Variants in SYK observed in about 807,000 individuals in gnomAD.
The protein encoded by SYK is tyrosine-protein kinase SYK.
Under a neutral mutation model 77.8 loss-of-function variants are expected in SYK, and 16 were observed. The observed-to-expected ratio is 0.21, with a 90% CI of 0.14 to 0.31. SYK has a LOEUF of 0.31. Ranked by LOEUF, SYK falls within the 10% of genes least tolerant of loss-of-function variation. SYK has a pLI of 1.00. For missense variants in SYK, 529 were observed against 814.4 expected, an observed-to-expected ratio of 0.65 and a Z score of 4.26; for synonymous variants, 312 against 308.7, an observed-to-expected ratio of 1.01 and a Z score of -0.11.
intron 13 of SYK, among the ~76,000 whole-genome samples, chr9:90,891,209 G>C (rs1319939217): frequency 1.4e-5 from 2 of 146,316 alleles, no homozygotes; most frequent in Non-Finnish European, 3.0e-5. Flanking sequence ...GCAGTGGCGC[G>C]ATCTGGGCTC....
intron 3 of SYK, among the ~76,000 whole-genome samples, chr9:90,857,429 C>T (rs1827081808): frequency 6.6e-6 from 1 of 152,162 alleles, no homozygotes; most frequent in South Asian, 2.1e-4. Flanking sequence ...ATAATTCCAC[C>T]TTCATGAACT....
intron 1 of SYK, among the ~76,000 whole-genome samples, chr9:90,841,490 G>A (rs1826333090): frequency 3.3e-5 from 2 of 59,898 alleles, no homozygotes; most frequent in South Asian, 1.2e-3. Flanking sequence ...TAGTGCATGT[G>A]TGGTATGTGT....
At position 90,884,499 on chromosome 9, in the gene SYK, GTACA is replaced by G. The variant is rs1188111760; in HGVS notation, c.1582-3248_1582-3245del. ...TACATACACACACATACACATATGT[GTACA>G]TGTACATACATACACATACACATAT... On this transcript the variant is annotated intron_variant, in intron 11 of 13. Coordinates refer to ENST00000375754, the MANE Select transcript of SYK (RefSeq NM_003177.7). Among the ~76,000 whole-genome samples the G allele has an allele frequency of 1.7e-3, 186 of 112,452 alleles. 78 individuals are homozygous for G. The highest frequency in any genetic ancestry group is 3.3e-3 in the Admixed American group (40 of 12,070). 73.8% of individuals were successfully genotyped at this position (112,452 alleles called of 152,430 possible). A position where few individuals can be genotyped will look rare whatever the true frequency, so the allele number is the denominator to read the frequency against.
At chr9:90,862,381 A>G (rs1195910156) in intron 4 of SYK, 37 bp downstream of exon 4, 1 of 1,602,382 alleles carries the variant, frequency 6.2e-7, no homozygotes, top group Admixed American at 1.7e-5. Context: ...TGGGTAGAGT[A>G]CAGGGCACGT....
chr9:90,834,461 G>A (rs930532043), intron 1 of SYK, among the ~76,000 whole-genome samples: 2 of 152,176 alleles, frequency 1.3e-5, no homozygotes, highest in African/African-American at 2.4e-5. Flanking sequence ...AAGCTGGGCC[G>A]GGTCGCCAGC....
intron 1 of SYK, among the ~76,000 whole-genome samples, chr9:90,802,476 T>G (rs1826768447): frequency 6.6e-6 from 1 of 152,200 alleles, no homozygotes; most frequent in African/African-American, 2.4e-5. Context: ...GTGGATACAT[T>G]TTCATTGTCA....
intron 1 of SYK, among the ~76,000 whole-genome samples, chr9:90,814,859 CACACACAAAAT>C (rs1402357542): frequency 7.3e-5 from 7 of 96,038 alleles, no homozygotes; most frequent in Non-Finnish European, 1.7e-4. Flanking sequence ...CACACACACA[CACACACAAAAT>C]AATGTTACTT....
In SYK at chr9:90,839,680, C is replaced by T. The variant is rs529798963; in HGVS notation, c.-41-4178C>T. On this transcript the variant is annotated intron_variant, in intron 1 of 13. Coordinates refer to ENST00000375754, the MANE Select transcript of SYK (RefSeq NM_003177.7). ...CATTTTATTTAAAATTTTGTTCCTA[C>T]AAAGTTACTGTCTCAGTTTGAGCTG... is the stretch of plus-strand genomic sequence containing the variant. Among the ~76,000 whole-genome samples, 19 of 152,248 alleles carry T rather than the reference C, an allele frequency of 1.2e-4. No individual in the cohort carries two copies. The South Asian group carries it at 3.9e-3, about 32-fold the overall frequency.
chr9:90,874,564 C>A, intron 8 of SYK, 108 bp from the exon 9 acceptor site: 1 of 1,349,056 alleles, frequency 7.4e-7, no homozygotes. Flanking sequence ...TCCCTTGCAA[C>A]ATTGATGCTA....
intron 1 of SYK, among the ~76,000 whole-genome samples, chr9:90,804,840 G>A (rs879658838): frequency 3.9e-5 from 6 of 152,198 alleles, no homozygotes; most frequent in Non-Finnish European, 5.9e-5. Flanking sequence ...GATGTTTTAA[G>A]AACTAGTCTG....
rs113250827 is a variant in SYK at position 90,805,155 on chromosome 9, A to G, written c.-42+3262A>G. On this transcript the variant is annotated intron_variant, in intron 1 of 13. Transcript: ENST00000375754. ...TTTCTTTCTGGGACACCACGTATTG[A>G]TTTCTGGCAGCTGGCCAAAGGCAGA... Among the ~76,000 whole-genome samples the G allele has an allele frequency of 3.9e-3, 589 of 152,330 alleles. 5 individuals carry two copies. Among genetic ancestry groups the G allele is most frequent in the African/African-American group, 0.013 (554 of 41,572 alleles).
intron 11 of SYK, among the ~76,000 whole-genome samples, chr9:90,884,129 C>A (rs1019484991): frequency 2.0e-5 from 2 of 101,938 alleles, no homozygotes; most frequent in Non-Finnish European, 3.8e-5. Flanking sequence ...ACCCAAAGTG[C>A]CCTACATATA....
rs183583359 is a variant in SYK, at chr9:90,878,690, C to A, written c.1392-74C>A. ...AAGGAGTAGATTCACCCACTGCCTG[C>A]GTGAGGAGCATGGTTGTTTGTTGTG... On this transcript the variant is annotated intron_variant, in intron 10 of 13. Coordinates refer to ENST00000375754, the MANE Select transcript of SYK (RefSeq NM_003177.7). 1.9e-5 allele frequency: 25 copies of A among 1,287,286 alleles called. No individual in the cohort carries two copies. In the East Asian group the frequency reaches 4.7e-4, roughly 24 times the overall value. The allele number at this position is 1,287,286 out of a possible 1,614,324, so 79.7% of individuals were successfully genotyped here. A position where few individuals can be genotyped will look rare whatever the true frequency, so the allele number is the denominator to read the frequency against.
chr9:90,864,614 C>T lies in SYK; in HGVS notation c.743C>T (p.Ala248Val). Residue 248 changes from alanine (A) to valine (V), a missense_variant, in exon 5 of 14, where the codon GCA becomes GTA. Coordinates refer to ENST00000375754, the MANE Select transcript of SYK (RefSeq NM_003177.7). ...WQLVEHYSYK[A>V]DGLLRVLTVP... ...CTAGTCGAGCATTATTCTTATAAAGCAGATGGTTTGTTAAGAGTTCTTACT... is the reference window on the plus strand; with the variant it reads ...CTAGTCGAGCATTATTCTTATAAAGTAGATGGTTTGTTAAGAGTTCTTACT... 1.9e-6 allele frequency: 3 copies of T among 1,614,142 alleles called. No individual in the cohort carries two copies. Among genetic ancestry groups the T allele is most frequent in the Non-Finnish European group, 2.5e-6 (3 of 1,180,012 alleles).
At chr9:90,865,335 TCTCA>T (rs370397456) in intron 6 of SYK, among the ~76,000 whole-genome samples, 59 of 151,826 alleles carry the variant, frequency 3.9e-4, no homozygotes, top group African/African-American at 1.4e-3. Flanking sequence ...AGATGGAGTG[TCTCA>T]CTCTGTCACC....
At chr9:90,811,660 G>C (rs116072604) in intron 1 of SYK, among the ~76,000 whole-genome samples, 2,388 of 152,112 alleles carry the variant, frequency 0.016, 66 homozygotes, top group African/African-American at 0.055. Flanking sequence ...ACTCATGCCT[G>C]TAATTCCAGC....
intron 1 of SYK, among the ~76,000 whole-genome samples, chr9:90,805,098 A>C (rs113323426): frequency 6.6e-6 from 1 of 152,244 alleles, no homozygotes; most frequent in African/African-American, 2.4e-5. Flanking sequence ...GTTACAGTAC[A>C]TTTAATAAAT....
chr9:90,842,886 A>C (rs1040020133), intron 1 of SYK, among the ~76,000 whole-genome samples: 3 of 152,024 alleles, frequency 2.0e-5, no homozygotes, highest in Non-Finnish European at 2.9e-5. Flanking sequence ...CTTTTGGTTA[A>C]AATGTGCCTC....
intron 3 of SYK, among the ~76,000 whole-genome samples, chr9:90,860,025 G>T (rs1355449259): frequency 6.6e-6 from 1 of 152,084 alleles, no homozygotes; most frequent in Non-Finnish European, 1.5e-5. Flanking sequence ...GTCTCACTCT[G>T]TTGCCCAGGC....
Sources: allele counts gnomAD v4.1 joint callset (sites outside exome capture counted in the v4.1 genomes callset), GRCh38; gene constraint gnomAD v4.1.1; transcripts MANE v1.5; gene names NCBI Gene and HGNC (gene_info 2026-07-23, HGNC 2026-07-21).